ATP9B: variants seen among roughly 807,000 people sequenced by gnomAD.
ATP9B encodes ATPase phospholipid transporting 9B.
Under a neutral mutation model 146.1 loss-of-function variants are expected in ATP9B, and 110 were observed. That is an observed-to-expected ratio of 0.75 (90% CI 0.65 to 0.88). The LOEUF is 0.88. Ranked by LOEUF, ATP9B falls within the 40% of genes least tolerant of loss-of-function variation. The probability of loss-of-function intolerance (pLI) is 0.00; values close to 1 mark genes in which losing one functional copy is unlikely to be tolerated. For synonymous variants in ATP9B, 604 were observed against 569.7 expected (o/e 1.06, Z -0.86); for missense variants, 1,499 against 1,496.4 (o/e 1.00, Z -0.03).
intron 21 of ATP9B, among the ~76,000 whole-genome samples, chr18:79,345,091 C>T (rs866787521): frequency 6.6e-6 from 1 of 152,152 alleles, no homozygotes; most frequent in Non-Finnish European, 1.5e-5. Context: ...TGATGTTTTT[C>T]AAGAAAGTCA....
intron 23 of ATP9B, 82 bp downstream of exon 23, chr18:79,345,921 C>G: frequency 6.8e-7 from 1 of 1,476,568 alleles, no homozygotes; most frequent in Non-Finnish European, 9.4e-7. Flanking sequence ...CCACTGTACA[C>G]TCAGCACCTA....
chr18:79,164,596 G>A (rs766879799), intron 7 of ATP9B, among the ~76,000 whole-genome samples: 1 of 152,262 alleles, frequency 6.6e-6, no homozygotes, highest in East Asian at 1.9e-4. Flanking sequence ...GCGGGCGCCT[G>A]TAGTCCCAGC....
chr18:79,149,725 A>ATT (rs34424097), intron 6 of ATP9B, among the ~76,000 whole-genome samples: 1 of 151,562 alleles, frequency 6.6e-6, no homozygotes, highest in African/African-American at 2.4e-5. Flanking sequence ...AAAAAAAAAA[A>ATT]TTTGAAATTA....
chr18:79,338,107 G>C (rs1233945449), intron 19 of ATP9B, among the ~76,000 whole-genome samples: 2 of 152,250 alleles, frequency 1.3e-5, no homozygotes, highest in Non-Finnish European at 2.9e-5. Flanking sequence ...GGGCATGTTA[G>C]AGTTGAGAAT....
chr18:79,110,931 A>G (rs1424237040), intron 3 of ATP9B, among the ~76,000 whole-genome samples: 1 of 152,232 alleles, frequency 6.6e-6, no homozygotes, highest in Non-Finnish European at 1.5e-5. Flanking sequence ...AATTTTTTAT[A>G]CTGAAATGAT....
In ATP9B at chr18:79,336,875, G is replaced by A. The variant is rs562581801; in HGVS notation, c.2112+164G>A. ...ATGGGGTGATCCTGTCTGCATTTCT[G>A]TTTCCACCATTTCTCCAGCTTGCTG... On this transcript the variant is annotated intron_variant, in intron 18 of 29. Transcript: ENST00000426216. Among the ~76,000 whole-genome samples the A allele has an allele frequency of 3.3e-5, 5 of 152,342 alleles. No individual in the cohort carries two copies. In the South Asian group the frequency reaches 1.0e-3, roughly 32 times the overall value.
chr18:79,106,458 C>T (rs913330922), intron 2 of ATP9B, among the ~76,000 whole-genome samples: 4 of 152,146 alleles, frequency 2.6e-5, no homozygotes, highest in African/African-American at 7.2e-5. Context: ...GCATGGAAGT[C>T]GCCTGACTCC....
At chr18:79,206,275 A>G (rs1466799884) in intron 9 of ATP9B, among the ~76,000 whole-genome samples, 4 of 152,166 alleles carry the variant, frequency 2.6e-5, no homozygotes, top group African/African-American at 9.7e-5. Flanking sequence ...ATTTAAGAGA[A>G]ATACATTTTT....
intron 15 of ATP9B, among the ~76,000 whole-genome samples, chr18:79,323,109 C>T (rs555514135): frequency 3.3e-5 from 5 of 152,124 alleles, no homozygotes; most frequent in South Asian, 2.1e-4. Context: ...AGTAATCCTC[C>T]GTTTATCGTT....
chr18:79,124,349 A>T (rs1053467299), intron 4 of ATP9B, among the ~76,000 whole-genome samples: 8 of 152,230 alleles, frequency 5.3e-5, no homozygotes, highest in Non-Finnish European at 1.2e-4. Context: ...ATTATATATC[A>T]ACAAAGCTAT....
At chr18:79,365,552 T>TA (rs2097021590) in intron 26 of ATP9B, among the ~76,000 whole-genome samples, 1 of 152,280 alleles carries the variant, frequency 6.6e-6, no homozygotes, top group Non-Finnish European at 1.5e-5. Context: ...ATCCTATATA[T>TA]GAATGTTCAC....
chr18:79,259,997 A>G (rs899309054), intron 12 of ATP9B, among the ~76,000 whole-genome samples: 7 of 152,152 alleles, frequency 4.6e-5, no homozygotes, highest in Admixed American at 6.5e-5. Context: ...ATCACATAAA[A>G]TGCTAATATT....
chr18:79,151,770 C>T (rs1330917135), intron 6 of ATP9B, among the ~76,000 whole-genome samples: 2 of 149,692 alleles, frequency 1.3e-5, no homozygotes, highest in Admixed American at 6.7e-5. Flanking sequence ...ATGTGCAGAA[C>T]GTGCAAGTTT....
chr18:79,335,498 G>T (rs921519760), intron 17 of ATP9B, among the ~76,000 whole-genome samples: 2 of 152,204 alleles, frequency 1.3e-5, no homozygotes, highest in African/African-American at 4.8e-5. Context: ...ACTGAACACG[G>T]TTAGCACCGT....
At chr18:79,327,515 G>C (rs1472146293) in intron 15 of ATP9B, among the ~76,000 whole-genome samples, 3 of 115,300 alleles carry the variant, frequency 2.6e-5, no homozygotes, top group Non-Finnish European at 5.3e-5. Flanking sequence ...TCTCTCCATG[G>C]TTAGCGTGCT....
Position 79,264,148 on chromosome 18 carries a change from A to C in ATP9B, c.1268+10607A>C, listed in dbSNP as rs1411132191. Among the ~76,000 whole-genome samples, 10 of 152,206 alleles carry C rather than the reference A, an allele frequency of 6.6e-5. 1 individual carries two copies. Among genetic ancestry groups the C allele is most frequent in the Admixed American group, 5.9e-4 (9 of 15,288 alleles). On this transcript the variant is annotated intron_variant, in intron 12 of 29. Transcript: ENST00000426216. ...GCACTACTTGGCTGTGTTATTTGTC[A>C]AATTTACCAGATAATGTTTAACTGT...
At chr18:79,251,833 T>G (rs1396457022) in intron 11 of ATP9B, among the ~76,000 whole-genome samples, 3 of 152,256 alleles carry the variant, frequency 2.0e-5, no homozygotes, top group Non-Finnish European at 4.4e-5. Context: ...TCAGGTTTTT[T>G]GCAGTCATGT....
intron 15 of ATP9B, among the ~76,000 whole-genome samples, chr18:79,328,107 TGTGGTTAGCGTGCTCTCC>T (rs2096770486): frequency 9.9e-6 from 1 of 100,804 alleles, no homozygotes. Flanking sequence ...GCGTGCTCTC[TGTGGTTAGCGTGCTCTCC>T]GTGGATAGCG....
At chr18:79,183,798 A>C (rs1260899646) in intron 8 of ATP9B, among the ~76,000 whole-genome samples, 2 of 151,226 alleles carry the variant, frequency 1.3e-5, no homozygotes, top group Admixed American at 1.3e-4. Flanking sequence ...AAGTTAAAAA[A>C]AAAAAAAGAA....
Sources: gnomAD v4.1 joint callset for allele counts (sites outside exome capture counted in the v4.1 genomes callset) on GRCh38, gnomAD v4.1.1 for gene constraint, MANE v1.5 for transcripts, NCBI Gene and HGNC (gene_info 2026-07-23, HGNC 2026-07-21) for gene names.